The following HERPUD2 variants were observed in gnomAD, a reference collection of about 807,000 sequenced individuals.
HERPUD2 encodes HERPUD family member 2, also known as homocysteine-responsive endoplasmic reticulum-resident ubiquitin-like domain member 2 protein.
In HERPUD2, 13 loss-of-function variants were observed where a neutral mutation model predicts 49.9. The observed-to-expected ratio is 0.26, with a 90% confidence interval of 0.17 to 0.41. The LOEUF (loss-of-function observed/expected upper bound fraction) is 0.41, where lower values mean the gene tolerates loss of function less well. Among genes scored for constraint, HERPUD2 ranks in the 10% least tolerant of loss-of-function variants. HERPUD2 has a pLI of 1.00. For missense variants in HERPUD2, 449 were observed against 492.2 expected (o/e 0.91, Z 0.83); for synonymous variants, 172 against 171.4 (o/e 1.00, Z -0.03).
At chr7:35,644,695 A>G (rs1390519703) in intron 5 of HERPUD2, among the ~76,000 whole-genome samples, 1 of 152,188 alleles carries the variant, frequency 6.6e-6, no homozygotes, top group Non-Finnish European at 1.5e-5. Flanking sequence ...TGAACCCAGG[A>G]GGCAGAGGTT....
intron 5 of HERPUD2, among the ~76,000 whole-genome samples, chr7:35,665,423 C>T (rs572838242): frequency 1.7e-4 from 26 of 152,314 alleles, no homozygotes; most frequent in South Asian, 6.2e-4. Context: ...GAGCCAGGCG[C>T]GGGATATAAT....
rs140403291 is a variant in HERPUD2, at chr7:35,650,421, G to A, written c.495-11949C>T. On this transcript the variant is annotated intron_variant, in intron 5 of 8. Transcript: ENST00000311350. ...TGCACACGGGCCCCGAGACTAACAG[G>A]AGACCACATGAAGGCACTGCTCAAG... is the stretch of plus-strand genomic sequence containing the variant. 2.6e-5 allele frequency among the ~76,000 whole-genome samples: 4 copies of A among 152,122 alleles called. No individual in the cohort carries two copies. In the East Asian group the frequency reaches 7.7e-4, roughly 29 times the overall value.
intron 5 of HERPUD2, among the ~76,000 whole-genome samples, chr7:35,648,699 C>T (rs1162757452): frequency 6.6e-6 from 1 of 152,092 alleles, no homozygotes; most frequent in East Asian, 1.9e-4. Context: ...CTGTCATTTG[C>T]CATGAGAAGA....
chr7:35,667,557 G>A lies in HERPUD2; in HGVS notation c.371C>T (p.Ser124Leu). 6.2e-7 allele frequency: 1 copy of A among 1,613,564 alleles called. No individual in the cohort carries two copies. Among genetic ancestry groups the A allele is most frequent in the South Asian group, 1.1e-5 (1 of 91,050 alleles). ...SSDHSGSTTP[S>L]SGQETLSLAV... ...TAAAGACAAGGTTTCTTGACCAGAT[G>A]ATGGAGTTGTTGATCCTGAATGATC... The change falls in exon 5 of 9, where the codon TCA (serine) becomes TTA (leucine). Residue 124 changes from serine to leucine, a missense_variant. By Grantham distance (145) the Ser-to-Leu change is moderately radical. Transcript: ENST00000311350.
chr7:35,679,355 G>A (rs1785830575), intron 2 of HERPUD2, among the ~76,000 whole-genome samples: 1 of 152,130 alleles, frequency 6.6e-6, no homozygotes, highest in African/African-American at 2.4e-5. Context: ...TAGTATCCCA[G>A]AAAGAGACTG....
chr7:35,669,879 G>A (rs1395140043), intron 4 of HERPUD2, among the ~76,000 whole-genome samples: 1 of 152,012 alleles, frequency 6.6e-6, no homozygotes, highest in African/African-American at 2.4e-5. Context: ...GCATATTTCT[G>A]AAACGTCATT....
chr7:35,663,744 T>C (rs1785479607), intron 5 of HERPUD2, among the ~76,000 whole-genome samples: 1 of 152,160 alleles, frequency 6.6e-6, no homozygotes, highest in Admixed American at 6.5e-5. Flanking sequence ...TTGTTTTCCA[T>C]TTGCTTGGTA....
At chr7:35,673,487 G>A (rs1043852618) in intron 2 of HERPUD2, among the ~76,000 whole-genome samples, 18 of 152,082 alleles carry the variant, frequency 1.2e-4, no homozygotes, top group African/African-American at 3.9e-4. Flanking sequence ...ATCTATTGTA[G>A]CTATAATAAA....
At chr7:35,645,200 G>A (rs556571975) in intron 5 of HERPUD2, among the ~76,000 whole-genome samples, 2 of 152,298 alleles carry the variant, frequency 1.3e-5, no homozygotes, top group African/African-American at 4.8e-5. Flanking sequence ...TAAAAAAGCA[G>A]TATATAAAAA....
intron 5 of HERPUD2, among the ~76,000 whole-genome samples, chr7:35,658,608 A>C (rs1364304419): frequency 6.6e-6 from 1 of 152,220 alleles, no homozygotes; most frequent in Non-Finnish European, 1.5e-5. Context: ...TTAAAAATAA[A>C]TTATAACAAA....
chr7:35,655,530 G>A (rs1343580797), intron 5 of HERPUD2, among the ~76,000 whole-genome samples: 2 of 152,076 alleles, frequency 1.3e-5, no homozygotes, highest in South Asian at 2.1e-4. Context: ...AGGCATAGAC[G>A]GAACATATCT....
chr7:35,668,154 C>A (rs1785575784), intron 4 of HERPUD2, among the ~76,000 whole-genome samples: 1 of 152,154 alleles, frequency 6.6e-6, no homozygotes, highest in African/African-American at 2.4e-5. Flanking sequence ...GTTCACTTAA[C>A]CTCTCAGAGT....
intron 2 of HERPUD2, among the ~76,000 whole-genome samples, chr7:35,684,793 G>A (rs1785998271): frequency 6.6e-6 from 1 of 152,198 alleles, no homozygotes; most frequent in African/African-American, 2.4e-5. Flanking sequence ...ACAGGGTGCA[G>A]TGTATACTGC....
intron 2 of HERPUD2, among the ~76,000 whole-genome samples, chr7:35,682,269 AGATATATACACATACACACG>A (rs1785913576): frequency 5.5e-5 from 2 of 36,572 alleles, no homozygotes; most frequent in African/African-American, 2.0e-4. Flanking sequence ...GTGTATATAT[AGATATATACACATACACACG>A]TGTGTGTGTG....
At chr7:35,666,549 C>A (rs1286025556) in intron 5 of HERPUD2, among the ~76,000 whole-genome samples, 1 of 152,228 alleles carries the variant, frequency 6.6e-6, no homozygotes, top group African/African-American at 2.4e-5. Flanking sequence ...CCACACACTG[C>A]AGCCCCATGG....
At chr7:35,661,926 T>C (rs1419528777) in intron 5 of HERPUD2, among the ~76,000 whole-genome samples, 1 of 152,222 alleles carries the variant, frequency 6.6e-6, no homozygotes, top group Non-Finnish European at 1.5e-5. Context: ...AAAGGAGTGG[T>C]GAGAGACGGC....
At chr7:35,637,468 G>A (rs187321714) in intron 6 of HERPUD2, among the ~76,000 whole-genome samples, 1 of 152,278 alleles carries the variant, frequency 6.6e-6, no homozygotes, top group Admixed American at 6.5e-5. Context: ...AAGTGAGAAA[G>A]GAGAAGGCAC....
chr7:35,689,100 A>G (rs1786128778), intron 2 of HERPUD2, among the ~76,000 whole-genome samples: 1 of 152,214 alleles, frequency 6.6e-6, no homozygotes, highest in Non-Finnish European at 1.5e-5. Context: ...AAAGAAACTT[A>G]AGCTAAAAGT....
At position 35,694,214 on chromosome 7, in the gene HERPUD2, C is replaced by A; in HGVS notation, c.117G>T (p.Thr39=). ...FLNWTVGKLK[T]HLSNVYPSKP... is the part of the protein sequence containing the mutation. Reference sequence around the variant, plus strand: ...TGCTAGGGTAAACGTTAGATAGATGCGTTTTTAGTTTCCCCACGGTCCAGT... The same window carrying A: ...TGCTAGGGTAAACGTTAGATAGATGAGTTTTTAGTTTCCCCACGGTCCAGT... Residue 39 remains threonine, a synonymous_variant, in exon 2 of 9, where the codon ACG becomes ACT. Coordinates refer to ENST00000311350, the MANE Select transcript of HERPUD2 (RefSeq NM_022373.5). The A allele has an allele frequency of 6.2e-7, 1 of 1,614,062 alleles. No homozygotes were observed. The highest frequency in any genetic ancestry group is 1.1e-5 in the South Asian group (1 of 91,080).
Sources: gnomAD v4.1 joint callset for allele counts (sites outside exome capture counted in the v4.1 genomes callset) on GRCh38, gnomAD v4.1.1 for gene constraint, MANE v1.5 for transcripts, NCBI Gene and HGNC (gene_info 2026-07-23, HGNC 2026-07-21) for gene names.